The following NCOR2 variants were observed in gnomAD, a reference collection of about 807,000 sequenced individuals.
The protein encoded by NCOR2 is nuclear receptor corepressor 2.
NCOR2 carries 81 observed loss-of-function variants against 262.9 expected under a neutral mutation model. The ratio of observed to expected loss-of-function variants is 0.31; its 90% CI spans 0.26 to 0.37. The LOEUF (loss-of-function observed/expected upper bound fraction) is 0.37, where lower values mean the gene tolerates loss of function less well. Among genes scored for constraint, NCOR2 ranks in the 10% least tolerant of loss-of-function variants. NCOR2 has a pLI of 1.00. For synonymous variants in NCOR2, 1,659 were observed against 1,559.3 expected, an observed-to-expected ratio of 1.06 and a Z score of -1.51; for missense variants, 3,385 against 3,621.4, an observed-to-expected ratio of 0.93 and a Z score of 1.68.
chr12:124,494,004 C>T (rs992590895), intron 1 of NCOR2, among the ~76,000 whole-genome samples: 7 of 152,166 alleles, frequency 4.6e-5, no homozygotes, highest in African/African-American at 1.4e-4. Context: ...AGGGAACTGC[C>T]GTCCTAAGAG....
At chr12:124,358,813 A>G (rs908591280) in intron 22 of NCOR2, among the ~76,000 whole-genome samples, 4 of 152,194 alleles carry the variant, frequency 2.6e-5, no homozygotes, top group African/African-American at 7.2e-5. Context: ...TCAGGGCTCC[A>G]CGGCTGACAG....
chr12:124,348,627 G>GT (rs2037147409), intron 28 of NCOR2: 1 of 425,868 alleles, frequency 2.3e-6, no homozygotes, highest in African/African-American at 2.0e-5. Flanking sequence ...ACATGAGCAC[G>GT]TGAGTCTGTG....
intron 8 of NCOR2, among the ~76,000 whole-genome samples, chr12:124,431,342 G>A (rs1405955295): frequency 1.3e-5 from 2 of 149,076 alleles, no homozygotes; most frequent in African/African-American, 2.5e-5. Flanking sequence ...CACCCACACG[G>A]TACACACACA....
chr12:124,513,075 T>A (rs927239062), intron 1 of NCOR2: 1 of 152,318 alleles, frequency 6.6e-6, no homozygotes, highest in Non-Finnish European at 1.5e-5. Context: ...CACAGGCCCC[T>A]GGCAATCACC....
At chr12:124,494,213 C>A (rs1216492279) in intron 1 of NCOR2, among the ~76,000 whole-genome samples, 2 of 150,122 alleles carry the variant, frequency 1.3e-5, no homozygotes, top group African/African-American at 5.0e-5. Context: ...ACCAGCCAGG[C>A]AGGACAGACA....
At chr12:124,439,304 G>C (rs2044658378) in intron 7 of NCOR2, among the ~76,000 whole-genome samples, 1 of 150,332 alleles carries the variant, frequency 6.7e-6, no homozygotes, top group African/African-American at 2.5e-5. Context: ...CAGAGAGAGA[G>C]AGACAGAGAC....
chr12:124,369,629 T>C (rs866613519), intron 20 of NCOR2, among the ~76,000 whole-genome samples: 1 of 152,074 alleles, frequency 6.6e-6, no homozygotes, highest in African/African-American at 2.4e-5. Context: ...GTCAGCAGGC[T>C]GGCCAGAGTC....
chr12:124,346,660 C>A, exon 31 of NCOR2: 1 of 1,585,402 alleles, frequency 6.3e-7, no homozygotes, highest in Admixed American at 1.8e-5. Context: ...TGGAGCGGCC[C>A]GCCTCCTTCA....
chr12:124,428,588 C>T (rs149549557), intron 10 of NCOR2, among the ~76,000 whole-genome samples: 2,723 of 152,286 alleles, frequency 0.018, 39 homozygotes, highest in South Asian at 0.048. Flanking sequence ...CAGGGCAGCG[C>T]GTTCTGTTGT....
At chr12:124,374,623 G>A (rs1346221962) in intron 18 of NCOR2, among the ~76,000 whole-genome samples, 160 bp from the exon 21 acceptor site, 1 of 152,240 alleles carries the variant, frequency 6.6e-6, no homozygotes, top group African/African-American at 2.4e-5. Flanking sequence ...TCCATGGACC[G>A]ATGAGCCCTC....
chr12:124,553,606 T>C (rs2051785235), intron 1 of NCOR2, among the ~76,000 whole-genome samples: 1 of 152,228 alleles, frequency 6.6e-6, no homozygotes, highest in Non-Finnish European at 1.5e-5. Flanking sequence ...CAGCATCTGA[T>C]GAAAACGTGA....
chr12:124,338,335 G>T (rs111766704), intron 37 of NCOR2, among the ~76,000 whole-genome samples: 1 of 151,650 alleles, frequency 6.6e-6, no homozygotes, highest in Non-Finnish European at 1.5e-5. Flanking sequence ...TGGTGAAACC[G>T]CATTTCTACT....
Position 124,443,152 on chromosome 12 carries a change from G to A in NCOR2, c.816-5156C>T, listed in dbSNP as rs1009439549. ...GTTCACGGCCGAGTGTTAAGGCAGCGCTGAGAAGCTAGTCCGGCGTGTGAT... is the reference window on the plus strand; with the variant it reads ...GTTCACGGCCGAGTGTTAAGGCAGCACTGAGAAGCTAGTCCGGCGTGTGAT... On this transcript the variant is annotated intron_variant, in intron 7 of 46. Transcript: ENST00000405201. This position sits in a 1 kb window ranked among gnomAD's most constrained non-coding sequence, Gnocchi z 4.4. Among the ~76,000 whole-genome samples, 16 of 152,216 alleles carry A rather than the reference G, an allele frequency of 1.1e-4. No individual in the cohort carries two copies. The highest frequency in any genetic ancestry group is 1.0e-3 in the Admixed American group (16 of 15,288).
At chr12:124,521,270 G>A (rs910410492) in intron 1 of NCOR2, among the ~76,000 whole-genome samples, 8 of 152,224 alleles carry the variant, frequency 5.3e-5, no homozygotes, top group African/African-American at 1.9e-4. Context: ...GTGGGGGCAG[G>A]AGAAAGAGAC....
chr12:124,444,932 G>A (rs1191834632), intron 7 of NCOR2, among the ~76,000 whole-genome samples: 2 of 152,082 alleles, frequency 1.3e-5, no homozygotes, highest in Non-Finnish European at 2.9e-5. Context: ...GACCCTGGGG[G>A]AGTCATCTGA....
chr12:124,521,342 C>T (rs1012283175), intron 1 of NCOR2, among the ~76,000 whole-genome samples: 2 of 152,202 alleles, frequency 1.3e-5, no homozygotes, highest in Non-Finnish European at 2.9e-5. Context: ...CCCAGGGCTC[C>T]GTGACCTGGG....
At chr12:124,400,888 G>A (rs1253995458) in intron 14 of NCOR2, among the ~76,000 whole-genome samples, 1 of 152,178 alleles carries the variant, frequency 6.6e-6, no homozygotes, top group Non-Finnish European at 1.5e-5. Flanking sequence ...ACAGCTGGCA[G>A]GACAACACCA....
chr12:124,501,074 A>ACACG (rs1374614874), intron 1 of NCOR2, among the ~76,000 whole-genome samples: 1 of 129,058 alleles, frequency 7.7e-6, no homozygotes, highest in South Asian at 2.6e-4. Flanking sequence ...ACACACACAC[A>ACACG]CACACACACA....
intron 28 of NCOR2, among the ~76,000 whole-genome samples, chr12:124,350,080 C>A (rs773480434): frequency 3.9e-4 from 60 of 152,122 alleles, no homozygotes; most frequent in Non-Finnish European, 1.0e-4. Context: ...CCCCTGGGTG[C>A]CCTAGGCTGC....
Sources: gnomAD v4.1 joint callset for allele counts (sites outside exome capture counted in the v4.1 genomes callset) on GRCh38, gnomAD v4.1.1 for gene constraint, Gnocchi (gnomAD v3.1) non-coding constraint, MANE v1.5 for transcripts, NCBI Gene and HGNC (gene_info 2026-07-23, HGNC 2026-07-21) for gene names.